Variants in GRM1 observed in about 807,000 individuals in gnomAD.
The protein encoded by GRM1 is metabotropic glutamate receptor 1.
In GRM1, 33 loss-of-function variants were observed where a neutral mutation model predicts 90.9. The observed-to-expected ratio is 0.36, with a 90% CI of 0.28 to 0.49. The LOEUF is 0.49. Ranked by LOEUF, GRM1 falls within the 20% of genes least tolerant of loss-of-function variation. The probability of loss-of-function intolerance (pLI) is 0.99; values close to 1 mark genes in which losing one functional copy is unlikely to be tolerated. For synonymous variants in GRM1, 700 were observed against 613.2 expected (o/e 1.14, Z -2.09); for missense variants, 1,190 against 1,534.3 (o/e 0.78, Z 3.75).
At chr6:146,039,939 A>G (rs1314239996) in intron 1 of GRM1, among the ~76,000 whole-genome samples, 2 of 152,016 alleles carry the variant, frequency 1.3e-5, no homozygotes, top group Admixed American at 1.3e-4. Flanking sequence ...TATCCATTGG[A>G]CAATAAAGTC....
chr6:146,214,512 A>G (rs1779802201), intron 2 of GRM1, among the ~76,000 whole-genome samples: 2 of 152,178 alleles, frequency 1.3e-5, no homozygotes, highest in South Asian at 4.1e-4. Flanking sequence ...AATAAACCGC[A>G]AAAAGTAAAA....
chr6:146,218,375 T>C (rs1779946156), intron 2 of GRM1, among the ~76,000 whole-genome samples: 1 of 152,220 alleles, frequency 6.6e-6, no homozygotes, highest in Non-Finnish European at 1.5e-5. Context: ...TGTGAAAATA[T>C]TTTTGAAGCA....
At chr6:146,103,572 G>A (rs184502188) in intron 1 of GRM1, among the ~76,000 whole-genome samples, 2 of 152,212 alleles carry the variant, frequency 1.3e-5, no homozygotes, top group East Asian at 3.9e-4. Context: ...TAAACATCCT[G>A]TATGCTAATC....
intron 2 of GRM1, among the ~76,000 whole-genome samples, chr6:146,196,285 C>A (rs1239122026): frequency 1.4e-5 from 2 of 144,340 alleles, no homozygotes; most frequent in African/African-American, 2.8e-5. Flanking sequence ...TTATCTAGTG[C>A]AGTGGATTTT....
At chr6:146,391,342 C>A (rs1032372357) in intron 6 of GRM1, among the ~76,000 whole-genome samples, 5 of 152,098 alleles carry the variant, frequency 3.3e-5, no homozygotes, top group Non-Finnish European at 7.4e-5. Flanking sequence ...AGGAAACTGA[C>A]TTGTCTGATA....
intron 7 of GRM1, among the ~76,000 whole-genome samples, chr6:146,422,854 C>A (rs748233039): frequency 1.1e-4 from 17 of 150,902 alleles, no homozygotes; most frequent in African/African-American, 2.4e-5. Context: ...GGTAAAGTTA[C>A]GCAGAATCCA....
chr6:146,146,466 G>A (rs761879331), intron 1 of GRM1, among the ~76,000 whole-genome samples: 4 of 152,094 alleles, frequency 2.6e-5, no homozygotes, highest in Non-Finnish European at 5.9e-5. Flanking sequence ...GGACTTTTGT[G>A]TTGGTGTTGG....
chr6:146,177,590 A>G (rs2114532391), intron 2 of GRM1, among the ~76,000 whole-genome samples: 1 of 152,238 alleles, frequency 6.6e-6, no homozygotes, highest in African/African-American at 2.4e-5. Flanking sequence ...ACTTATGAGT[A>G]CTGTTTTGGA....
chr6:146,259,643 A>G (rs1781608595), intron 2 of GRM1, among the ~76,000 whole-genome samples: 2 of 152,092 alleles, frequency 1.3e-5, no homozygotes, highest in Non-Finnish European at 2.9e-5. Context: ...TCTTCTTTTT[A>G]AAAGCCAAGT....
At chr6:146,347,127 T>C (rs927530275) in intron 3 of GRM1, among the ~76,000 whole-genome samples, 2 of 152,244 alleles carry the variant, frequency 1.3e-5, no homozygotes, top group Non-Finnish European at 2.9e-5. Context: ...TTCAATATTT[T>C]TCAATTCTGA....
At chr6:146,171,804 C>T (rs78653850) in intron 2 of GRM1, 4,474 of 278,594 alleles carry the variant, frequency 0.016, 238 homozygotes, top group Admixed American at 0.1. Flanking sequence ...GTTCTAATGA[C>T]TGGGGAAATT....
intron 7 of GRM1, among the ~76,000 whole-genome samples, chr6:146,421,907 A>G (rs1367005102): frequency 6.6e-6 from 1 of 152,186 alleles, no homozygotes; most frequent in Non-Finnish European, 1.5e-5. Flanking sequence ...AACAAACATT[A>G]AAATTCAAAA....
chr6:146,213,215 A>G (rs939966818), intron 2 of GRM1, among the ~76,000 whole-genome samples: 7 of 152,136 alleles, frequency 4.6e-5, no homozygotes, highest in African/African-American at 1.7e-4. Context: ...AAGAAGTGAG[A>G]TAGCATGATG....
intron 2 of GRM1, among the ~76,000 whole-genome samples, chr6:146,170,679 C>A (rs1200855840): frequency 6.6e-6 from 1 of 151,608 alleles, no homozygotes; most frequent in Non-Finnish European, 1.5e-5. Flanking sequence ...TCATTATATC[C>A]TTTTTTTTAC....
intron 2 of GRM1, among the ~76,000 whole-genome samples, chr6:146,211,487 A>C (rs1238492833): frequency 1.3e-5 from 2 of 152,214 alleles, no homozygotes; most frequent in Non-Finnish European, 2.9e-5. Context: ...AATCAGGTTA[A>C]AACTATTATC....
At chr6:146,141,033 C>T (rs1173039310) in intron 1 of GRM1, among the ~76,000 whole-genome samples, 1 of 152,170 alleles carries the variant, frequency 6.6e-6, no homozygotes, top group African/African-American at 2.4e-5. Flanking sequence ...TTGAAGAACT[C>T]CCTTTAGCAT....
intron 1 of GRM1, among the ~76,000 whole-genome samples, chr6:146,128,746 T>C (rs1212615747): frequency 6.6e-6 from 1 of 152,170 alleles, no homozygotes; most frequent in Non-Finnish European, 1.5e-5. Context: ...TAACAAATAA[T>C]ATTGTAATAT....
intron 1 of GRM1, among the ~76,000 whole-genome samples, chr6:146,152,030 T>C (rs1777356978): frequency 1.3e-5 from 2 of 152,194 alleles, no homozygotes; most frequent in Admixed American, 6.5e-5. Context: ...CAGACGCTGC[T>C]CTTCCCTTTC....
chr6:146,288,941 G>A (rs1782874574), intron 2 of GRM1, among the ~76,000 whole-genome samples: 1 of 152,146 alleles, frequency 6.6e-6, no homozygotes, highest in South Asian at 2.1e-4. Context: ...TCACATATTT[G>A]TGGTGATCCC....
Sources: allele counts gnomAD v4.1 joint callset (sites outside exome capture counted in the v4.1 genomes callset), GRCh38; gene constraint gnomAD v4.1.1; transcripts MANE v1.5; gene names NCBI Gene and HGNC (gene_info 2026-07-23, HGNC 2026-07-21).